ZSWIM6: variants seen among roughly 807,000 people sequenced by gnomAD.
The protein encoded by ZSWIM6 is zinc finger SWIM-type containing 6.
ZSWIM6 carries 9 observed loss-of-function variants against 113.2 expected under a neutral mutation model. The ratio of observed to expected loss-of-function variants is 0.08; its 90% CI spans 0.05 to 0.14. The LOEUF is 0.14. Ranked by LOEUF, ZSWIM6 falls within the 10% of genes least tolerant of loss-of-function variation. The probability of loss-of-function intolerance (pLI) is 1.00; values close to 1 mark genes in which losing one functional copy is unlikely to be tolerated. For missense variants in ZSWIM6, 1,162 were observed against 1,552.2 expected, an observed-to-expected ratio of 0.75 and a Z score of 4.22; for synonymous variants, 611 against 606.5, an observed-to-expected ratio of 1.01 and a Z score of -0.11.
intron 6 of ZSWIM6, 68 bp from the exon 7 acceptor site, chr5:61,526,182 C>T: frequency 1.3e-6 from 2 of 1,484,122 alleles, no homozygotes; most frequent in Non-Finnish European, 1.8e-6. Flanking sequence ...AAACATCTTA[C>T]TATTAAATTC....
At chr5:61,428,937 C>T (rs567135281) in intron 1 of ZSWIM6, among the ~76,000 whole-genome samples, 2 of 152,178 alleles carry the variant, frequency 1.3e-5, no homozygotes, top group South Asian at 2.1e-4. Flanking sequence ...ATTGATAAGG[C>T]GGGGAAGAGG....
intron 1 of ZSWIM6, among the ~76,000 whole-genome samples, chr5:61,392,187 C>T (rs1745731964): frequency 6.6e-6 from 1 of 152,118 alleles, no homozygotes; most frequent in Non-Finnish European, 1.5e-5. Context: ...GATGAATTTG[C>T]AGTGATGAGT....
At chr5:61,369,035 G>A (rs1438169781) in intron 1 of ZSWIM6, among the ~76,000 whole-genome samples, 3 of 152,204 alleles carry the variant, frequency 2.0e-5, no homozygotes, top group Non-Finnish European at 4.4e-5. Flanking sequence ...ATACATTTTA[G>A]TTACCAAATA....
intron 4 of ZSWIM6, among the ~76,000 whole-genome samples, chr5:61,505,948 A>G (rs1008814855): frequency 1.3e-5 from 2 of 151,600 alleles, no homozygotes; most frequent in Non-Finnish European, 2.9e-5. Context: ...GGGTTTCACC[A>G]TGTTAGCTAG....
At chr5:61,511,535 A>G (rs1748787580) in intron 4 of ZSWIM6, among the ~76,000 whole-genome samples, 2 of 152,102 alleles carry the variant, frequency 1.3e-5, no homozygotes, top group Non-Finnish European at 2.9e-5. Flanking sequence ...TTGGGAGGTG[A>G]TCAGATGATA....
chr5:61,497,328 T>C (rs781234868), intron 4 of ZSWIM6, among the ~76,000 whole-genome samples: 4 of 152,176 alleles, frequency 2.6e-5, no homozygotes, highest in Non-Finnish European at 5.9e-5. Context: ...ATTTAAATGT[T>C]GATGTTTCAA....
At chr5:61,527,326 T>C (rs556266829) in intron 7 of ZSWIM6, among the ~76,000 whole-genome samples, 1 of 152,304 alleles carries the variant, frequency 6.6e-6, no homozygotes, top group Non-Finnish European at 1.5e-5. Flanking sequence ...TAGTTTTAGT[T>C]GCTGGGTTTT....
intron 1 of ZSWIM6, among the ~76,000 whole-genome samples, chr5:61,396,254 C>A (rs1263218050): frequency 6.6e-6 from 1 of 152,058 alleles, no homozygotes; most frequent in Non-Finnish European, 1.5e-5. Context: ...TGTTTTTTGG[C>A]CAGGTGCAGT....
rs1373280013 is a variant in ZSWIM6 at position 61,543,477 on chromosome 5, C to T, written c.2808C>T (p.Ile936=). The change falls in exon 14 of 14, where the codon ATC becomes ATT. Residue 936 remains isoleucine, a synonymous_variant. Coordinates refer to ENST00000252744, the MANE Select transcript of ZSWIM6 (RefSeq NM_020928.2). This position sits in a 1 kb window ranked among gnomAD's most constrained non-coding sequence, Gnocchi z 4.3. ...CAGGGGTTTATGCCCTGGACAGCAT[C>T]ATGCAGACCTGGTTTACACTCTTTA... ...TEVGVYALDS[I]MQTWFTLFTP... 28 of 1,550,922 alleles carry T rather than the reference C, an allele frequency of 1.8e-5. No individual in the cohort carries two copies. The highest frequency in any genetic ancestry group is 2.3e-5 in the Non-Finnish European group (26 of 1,146,944).
chr5:61,512,181 C>G (rs1748807877), intron 4 of ZSWIM6, among the ~76,000 whole-genome samples: 1 of 152,070 alleles, frequency 6.6e-6, no homozygotes, highest in Non-Finnish European at 1.5e-5. Flanking sequence ...TTTAGTTTCG[C>G]CATTCCAGAA....
At chr5:61,389,554 C>CAAAAAA (rs60533774) in intron 1 of ZSWIM6, among the ~76,000 whole-genome samples, 7 of 50,960 alleles carry the variant, frequency 1.4e-4, no homozygotes, top group Admixed American at 2.2e-4. Context: ...GACTCAGTCT[C>CAAAAAA]AAAAAAAAAA....
At chr5:61,349,368 T>C (rs1176920868) in intron 1 of ZSWIM6, among the ~76,000 whole-genome samples, 1 of 152,236 alleles carries the variant, frequency 6.6e-6, no homozygotes, top group Non-Finnish European at 1.5e-5. Context: ...GTCACTTGAA[T>C]GAATGATAGC....
At chr5:61,411,779 T>A (rs1304295712) in intron 1 of ZSWIM6, among the ~76,000 whole-genome samples, 2 of 152,112 alleles carry the variant, frequency 1.3e-5, no homozygotes, top group Non-Finnish European at 2.9e-5. Context: ...TTGGGCCTCT[T>A]TTTAAGGGCC....
intron 1 of ZSWIM6, among the ~76,000 whole-genome samples, chr5:61,409,261 C>T (rs1219255249): frequency 6.6e-6 from 1 of 151,568 alleles, no homozygotes; most frequent in Non-Finnish European, 1.5e-5. Context: ...TGATTTTTAC[C>T]AGTGGAGGGG....
intron 1 of ZSWIM6, among the ~76,000 whole-genome samples, chr5:61,420,559 T>C (rs991446030): frequency 1.3e-5 from 2 of 152,096 alleles, no homozygotes; most frequent in African/African-American, 4.8e-5. Context: ...TTATACTGAC[T>C]AAGTAGCAGT....
At chr5:61,498,175 T>C (rs1374943153) in intron 4 of ZSWIM6, among the ~76,000 whole-genome samples, 1 of 152,188 alleles carries the variant, frequency 6.6e-6, no homozygotes, top group African/African-American at 2.4e-5. Flanking sequence ...TAAATAACAC[T>C]TAATTACAGT....
intron 1 of ZSWIM6, among the ~76,000 whole-genome samples, chr5:61,363,117 A>T (rs932564254): frequency 1.3e-5 from 2 of 152,202 alleles, no homozygotes; most frequent in Non-Finnish European, 2.9e-5. Flanking sequence ...GCCAGCTTAC[A>T]TATTGGAGAC....
At chr5:61,537,993 C>T (rs746901798) in intron 10 of ZSWIM6, among the ~76,000 whole-genome samples, 10 of 152,074 alleles carry the variant, frequency 6.6e-5, no homozygotes, top group African/African-American at 1.2e-4. Flanking sequence ...GGCTGGAGTG[C>T]GGTGTGGTGT....
chr5:61,485,783 A>AT (rs1035836416), intron 2 of ZSWIM6, among the ~76,000 whole-genome samples: 3 of 152,104 alleles, frequency 2.0e-5, no homozygotes, highest in African/African-American at 7.2e-5. Context: ...AGATAAAGTG[A>AT]TTTTTTTAGA....
Sources: allele counts gnomAD v4.1 joint callset (sites outside exome capture counted in the v4.1 genomes callset), GRCh38; gene constraint gnomAD v4.1.1; non-coding constraint Gnocchi (gnomAD v3.1); transcripts MANE v1.5; gene names NCBI Gene and HGNC (gene_info 2026-07-23, HGNC 2026-07-21).